Variants in DHX34 observed in about 807,000 individuals in gnomAD.
DHX34 encodes the protein DExH-box helicase 34.
DHX34 carries 96 observed loss-of-function variants against 111.1 expected under a neutral mutation model. The observed-to-expected ratio is 0.86, with a 90% CI of 0.73 to 1.02. DHX34 has a LOEUF of 1.02. Ranked by LOEUF, DHX34 falls within the 50% of genes least tolerant of loss-of-function variation. DHX34 has a pLI of 0.00. For missense variants in DHX34, 1,560 were observed against 1,579.9 expected, an observed-to-expected ratio of 0.99 and a Z score of 0.21; for synonymous variants, 688 against 670.4, an observed-to-expected ratio of 1.03 and a Z score of -0.41.
intron 3 of DHX34, among the ~76,000 whole-genome samples, 153 bp downstream of exon 3, chr19:47,355,503 A>T (rs1969431299): frequency 1.3e-5 from 2 of 152,140 alleles, no homozygotes; most frequent in Admixed American, 6.6e-5. Context: ...GAGCATTCAT[A>T]ATCAGCTGGT....
rs1171030605 is a variant in DHX34, at chr19:47,382,193, A to AC, written c.*85dup. 2.5e-5 allele frequency: 39 copies of AC among 1,562,880 alleles called. No individual in the cohort carries two copies. The highest frequency in any genetic ancestry group is 6.1e-6 in the Non-Finnish European group (7 of 1,156,340). On this transcript the variant is annotated 3_prime_UTR_variant, in exon 17 of 17. Coordinates refer to ENST00000328771, the MANE Select transcript of DHX34 (RefSeq NM_014681.6). ...GACTAGGGGCAGGACTCTTGCCTGA[A>AC]CCCCCAGCCTGGGCTTAGCCCTGTG...
At chr19:47,372,628 G>A (rs1671376538) in intron 7 of DHX34, 102 bp from the exon 8 acceptor site, 16 of 1,445,950 alleles carry the variant, frequency 1.1e-5, no homozygotes, top group Non-Finnish European at 1.4e-5. Flanking sequence ...TGGAGGGGGT[G>A]GGAGCAGGAG....
At position 47,377,689 on chromosome 19, in the gene DHX34, G is replaced by T. The variant is rs549919806; in HGVS notation, c.2706+483G>T. On this transcript the variant is annotated intron_variant, in intron 13 of 16. Transcript: ENST00000328771. ...GCTCCGAGGCAGACATGTGCCTGGC[G>T]TGCAGTCAGCAAGGGAGAGCGTGTG... is the stretch of plus-strand genomic sequence containing the variant. Among the ~76,000 whole-genome samples the T allele has an allele frequency of 2.6e-5, 4 of 151,996 alleles. No individual in the cohort carries two copies. The South Asian group carries it at 8.3e-4, about 32-fold the overall frequency.
intron 6 of DHX34, among the ~76,000 whole-genome samples, chr19:47,363,980 C>T (rs979779590): frequency 3.9e-5 from 6 of 152,118 alleles, no homozygotes; most frequent in African/African-American, 1.4e-4. Context: ...GTTAATTTAG[C>T]ATAGGTTAGA....
chr19:47,368,637 T>TAC (rs1213228032), intron 7 of DHX34, among the ~76,000 whole-genome samples: 21 of 139,542 alleles, frequency 1.5e-4, no homozygotes, highest in Non-Finnish European at 1.8e-4. Flanking sequence ...TGTGTATATA[T>TAC]ATACACACAC....
intron 2 of DHX34, 27 bp from the exon 3 acceptor site, chr19:47,355,012 C>T: frequency 3.7e-6 from 6 of 1,610,428 alleles, no homozygotes; most frequent in Admixed American, 1.7e-5. Flanking sequence ...AGGGTCCTCT[C>T]CTGATCCTTT....
At chr19:47,374,543 G>A (rs1341600174) in intron 9 of DHX34, among the ~76,000 whole-genome samples, 1 of 152,056 alleles carries the variant, frequency 6.6e-6, no homozygotes, top group Non-Finnish European at 1.5e-5. Context: ...CCTGCTGTTA[G>A]GTCCTTTTCC....
chr19:47,378,668 T>C (rs1970248254), intron 13 of DHX34, among the ~76,000 whole-genome samples: 1 of 151,722 alleles, frequency 6.6e-6, no homozygotes, highest in Admixed American at 6.6e-5. Flanking sequence ...TATCTATCTC[T>C]ACAAAAAATT....
At chr19:47,374,057 G>GC (rs760193347) in intron 9 of DHX34, among the ~76,000 whole-genome samples, 36 of 152,210 alleles carry the variant, frequency 2.4e-4, no homozygotes, top group Non-Finnish European at 4.6e-4. Flanking sequence ...ACAGATCCCA[G>GC]CTCTGCCATT....
Position 47,376,080 on chromosome 19 carries a change from C to CGAAAGGACTCAGACCAGGTGGGGCCT in DHX34, c.2466_2481+10dup. On this transcript the variant is annotated frameshift_variant, in exon 11 of 17. Coordinates refer to ENST00000328771, the MANE Select transcript of DHX34 (RefSeq NM_014681.6). LOFTEE classifies it high-confidence loss of function. ...CGTCCCCGACGCCTTCAACAGCAGC[C>CGAAAGGACTCAGACCAGGTGGGGCCT]GAAAGGACTCAGACCAGGTGGGGCC... is the stretch of plus-strand genomic sequence containing the variant. 1 of 1,565,820 alleles carries CGAAAGGACTCAGACCAGGTGGGGCCT rather than the reference C, an allele frequency of 6.4e-7. No individual in the cohort carries two copies. Among genetic ancestry groups the CGAAAGGACTCAGACCAGGTGGGGCCT allele is most frequent in the Non-Finnish European group, 8.6e-7 (1 of 1,158,212 alleles).
chr19:47,373,745 C>T (rs774486161), intron 9 of DHX34, 45 bp downstream of exon 9: 30 of 1,590,642 alleles, frequency 1.9e-5, no homozygotes, highest in African/African-American at 1.6e-4. Context: ...CTCAGGCAGA[C>T]GTGTGTAAGC....
chr19:47,380,961 T>C lies in DHX34; in HGVS notation c.3128T>C (p.Val1043Ala). ...CACCCCACAAAGGGGGGCTACGCAG[T>C]CACTGACTTCCTCACCTACAACTGC... ...SPHPTKGGYA[V>A]TDFLTYNCLT... The change falls in exon 15 of 17, where the codon GTC becomes GCC. Residue 1043 changes from valine (V) to alanine (A), a missense_variant. By Grantham distance (64) the Val-to-Ala change is moderately conservative. Coordinates refer to ENST00000328771, the MANE Select transcript of DHX34 (RefSeq NM_014681.6). 9 of 1,593,952 alleles carry C rather than the reference T, an allele frequency of 5.6e-6. No individual in the cohort carries two copies. Among genetic ancestry groups the C allele is most frequent in the Non-Finnish European group, 7.7e-6 (9 of 1,171,240 alleles).
intron 5 of DHX34, among the ~76,000 whole-genome samples, chr19:47,361,760 G>T (rs1969638708): frequency 6.6e-6 from 1 of 151,844 alleles, no homozygotes. Flanking sequence ...CAATAAGAGT[G>T]AAACTCCATC....
intron 4 of DHX34, 114 bp from the exon 5 acceptor site, chr19:47,359,854 G>A (rs1196996811): frequency 6.4e-7 from 1 of 1,565,658 alleles, no homozygotes; most frequent in East Asian, 2.3e-5. Flanking sequence ...GGAGGTCTCT[G>A]AAGGAGGAAA....
intron 7 of DHX34, 179 bp from the exon 8 acceptor site, chr19:47,372,551 G>A (rs568062079): frequency 1.5e-5 from 15 of 971,128 alleles, no homozygotes; most frequent in African/African-American, 5.3e-5. Flanking sequence ...CCATGGCCAC[G>A]TGACCAGAAA....
At position 47,379,940 on chromosome 19, in the gene DHX34, G is replaced by A. The variant is rs774903604; in HGVS notation, c.2937G>A (p.Glu979=). 1.9e-6 allele frequency: 3 copies of A among 1,604,432 alleles called. No homozygotes were observed. The highest frequency in any genetic ancestry group is 2.2e-5 in the East Asian group (1 of 44,544). The change falls in exon 14 of 17, where the codon GAG becomes GAA. Residue 979 remains glutamate (E), a synonymous_variant. Coordinates refer to ENST00000328771, the MANE Select transcript of DHX34 (RefSeq NM_014681.6). The part of the protein sequence containing the change: ...EEEDTPVSPK[E]VATLSKELLQ... ...AGGATACGCCAGTCAGCCCCAAGGA[G>A]GTGGCCACCCTGAGCAAGGAACTCC...
rs146403098 is a variant in DHX34, at chr19:47,381,263, G to C, written c.3237G>C (p.Thr1079=). Residue 1079 remains threonine, a synonymous_variant, in exon 16 of 17, where the codon ACG becomes ACC. Transcript: ENST00000328771. ...ACTGTGGCCTGCATGCGCCCCTCAC[G>C]CCCCTGGAGCGCATCGCCCATGAGA... ...CPHCGLHAPL[T]PLERIAHENT... The C allele has an allele frequency of 3.7e-6, 6 of 1,613,878 alleles. No homozygotes were observed. Among genetic ancestry groups the C allele is most frequent in the Non-Finnish European group, 5.1e-6 (6 of 1,179,942 alleles).
intron 7 of DHX34, among the ~76,000 whole-genome samples, chr19:47,370,207 C>A (rs370259843): frequency 1.3e-5 from 2 of 152,190 alleles, no homozygotes; most frequent in African/African-American, 4.8e-5. Flanking sequence ...CAGGCTCTCT[C>A]GCTTGGATTC....
chr19:47,357,699 G>T, intron 3 of DHX34, 167 bp from the exon 4 acceptor site: 2 of 965,548 alleles, frequency 2.1e-6, no homozygotes, highest in Non-Finnish European at 2.5e-6. Flanking sequence ...GAGAAGCCTG[G>T]ATCCCTGAAT....
Sources: allele counts gnomAD v4.1 joint callset (sites outside exome capture counted in the v4.1 genomes callset), GRCh38; gene constraint gnomAD v4.1.1; transcripts MANE v1.5; gene names NCBI Gene and HGNC (gene_info 2026-07-23, HGNC 2026-07-21).